NKAIN1: variants seen among roughly 807,000 people sequenced by gnomAD.
The protein encoded by NKAIN1 is sodium/potassium-transporting ATPase subunit beta-1-interacting protein 1.
A neutral mutation model predicts 31.6 loss-of-function variants in NKAIN1; 13 were observed. The observed-to-expected ratio is 0.41, with a 90% confidence interval of 0.27 to 0.65. The LOEUF is 0.65. NKAIN1 is among the 30% of genes least tolerant of loss of function. The pLI, the probability that NKAIN1 is intolerant of heterozygous loss-of-function variation, is 0.30. For missense variants in NKAIN1, 193 were observed against 262.2 expected, an observed-to-expected ratio of 0.74 and a Z score of 1.82; for synonymous variants, 104 against 109.0, an observed-to-expected ratio of 0.95 and a Z score of 0.28.
At chr1:31,186,656 C>T (rs1008110909) in intron 2 of NKAIN1, among the ~76,000 whole-genome samples, 3 of 152,062 alleles carry the variant, frequency 2.0e-5, no homozygotes, top group African/African-American at 7.2e-5. Flanking sequence ...AAGCATAGAA[C>T]GGGAGTCCAG....
chr1:31,210,587 C>T (rs533629914), intron 1 of NKAIN1, among the ~76,000 whole-genome samples: 76 of 152,362 alleles, frequency 5.0e-4, no homozygotes, highest in African/African-American at 1.7e-3. Context: ...CCACACCCGG[C>T]TTGCCATTAC....
At chr1:31,185,194 G>C in intron 3 of NKAIN1, 53 bp downstream of exon 3, 1 of 1,441,550 alleles carries the variant, frequency 6.9e-7, no homozygotes, top group African/African-American at 1.4e-5. Context: ...CTTAGGGCAG[G>C]GGATGGGAAT....
At chr1:31,198,443 G>A (rs2148354092) in intron 1 of NKAIN1, among the ~76,000 whole-genome samples, 1 of 152,204 alleles carries the variant, frequency 6.6e-6, no homozygotes, top group South Asian at 2.1e-4. Flanking sequence ...GATGTGTCCA[G>A]CCGCTTGAGC....
intron 1 of NKAIN1, among the ~76,000 whole-genome samples, chr1:31,223,546 G>T (rs373934496): frequency 1.3e-5 from 2 of 152,000 alleles, no homozygotes. Flanking sequence ...CTGGGTTCAC[G>T]CCATTCTCCT....
rs368465701 is a variant in NKAIN1 at position 31,236,756 on chromosome 1, C to G, written c.54+2738G>C. 2.0e-5 allele frequency among the ~76,000 whole-genome samples: 3 copies of G among 152,298 alleles called. No individual in the cohort carries two copies. The East Asian group carries it at 5.8e-4, about 29-fold the overall frequency. ...AACTCAAGCCTCTAGTGCTGGTGAGCTCCTCTAAGTGGAAGAGTGGGGTTA... is the reference window on the plus strand; with the variant it reads ...AACTCAAGCCTCTAGTGCTGGTGAGGTCCTCTAAGTGGAAGAGTGGGGTTA... On this transcript the variant is annotated intron_variant, in intron 1 of 6. Transcript: ENST00000373736.
At chr1:31,207,398 C>G (rs1170505773) in intron 1 of NKAIN1, among the ~76,000 whole-genome samples, 1 of 152,190 alleles carries the variant, frequency 6.6e-6, no homozygotes, top group East Asian at 1.9e-4. Context: ...CAGAACACTG[C>G]CTGGTTCATA....
chr1:31,196,733 TAAATAA>T (rs1645330778), intron 1 of NKAIN1, among the ~76,000 whole-genome samples: 1 of 145,746 alleles, frequency 6.9e-6, no homozygotes, highest in African/African-American at 2.5e-5. Context: ...AATAAATAAA[TAAATAA>T]ATAAATAATA....
rs570392808 is a variant in NKAIN1 at position 31,219,503 on chromosome 1, G to A, written c.54+19991C>T. On this transcript the variant is annotated intron_variant, in intron 1 of 6. Transcript: ENST00000373736. Reference sequence around the variant, plus strand: ...ATCTGGGGTGGAGTCTAGGGTGGGAGCGTAGGCATAGGTTTCCAGTGAGCA... The same window carrying A: ...ATCTGGGGTGGAGTCTAGGGTGGGAACGTAGGCATAGGTTTCCAGTGAGCA... Among the ~76,000 whole-genome samples, 67 of 152,334 alleles carry A rather than the reference G, an allele frequency of 4.4e-4. 1 individual carries two copies. Among genetic ancestry groups the A allele is most frequent in the African/African-American group, 1.5e-3 (64 of 41,572 alleles).
chr1:31,188,302 C>T (rs1305800213), intron 1 of NKAIN1, 115 bp from the exon 2 acceptor site: 21 of 1,171,774 alleles, frequency 1.8e-5, no homozygotes, highest in Non-Finnish European at 2.3e-5. Flanking sequence ...AGGCATAAGC[C>T]TCAGAACAAT....
intron 1 of NKAIN1, among the ~76,000 whole-genome samples, chr1:31,213,813 AG>A (rs1348552800): frequency 1.3e-5 from 2 of 152,022 alleles, no homozygotes; most frequent in Non-Finnish European, 2.9e-5. Flanking sequence ...TGGGCAATAC[AG>A]GGAGATCCTG....
chr1:31,231,131 G>A (rs933317114), intron 1 of NKAIN1, among the ~76,000 whole-genome samples: 2 of 151,574 alleles, frequency 1.3e-5, no homozygotes, highest in Non-Finnish European at 2.9e-5. Context: ...TGATCCACCC[G>A]CCTCGGCCTC....
chr1:31,231,522 T>G (rs1232686975), intron 1 of NKAIN1, among the ~76,000 whole-genome samples: 2 of 150,676 alleles, frequency 1.3e-5, no homozygotes, highest in African/African-American at 4.9e-5. Flanking sequence ...TTTGTTGTTG[T>G]TTGTTGTTGT....
intron 1 of NKAIN1, among the ~76,000 whole-genome samples, chr1:31,198,897 G>C (rs1401348838): frequency 5.3e-5 from 8 of 152,212 alleles, no homozygotes; most frequent in Non-Finnish European, 1.0e-4. Flanking sequence ...GACAAGGGCT[G>C]AATAATGCAG....
intron 1 of NKAIN1, among the ~76,000 whole-genome samples, chr1:31,208,809 C>T (rs1199784954): frequency 6.6e-6 from 1 of 152,210 alleles, no homozygotes; most frequent in Non-Finnish European, 1.5e-5. Context: ...TGTTCCGTGC[C>T]ACACTCTGGT....
At chr1:31,227,333 C>A (rs1645615749) in intron 1 of NKAIN1, among the ~76,000 whole-genome samples, 2 of 152,116 alleles carry the variant, frequency 1.3e-5, no homozygotes, top group South Asian at 4.1e-4. Context: ...GTGAGGATGA[C>A]CTCAGGTGGC....
rs939440425 is a variant in NKAIN1, at chr1:31,181,196, G to T, written c.*507C>A. 1 of 156,624 alleles carries T rather than the reference G, an allele frequency of 6.4e-6. No individual in the cohort carries two copies. The allele number at this position is 156,624 out of a possible 1,614,324, so 9.7% of individuals were successfully genotyped here. ...CTTGAGGTGCGGAAACCGAGGCTCA[G>T]AGAGGGCAAGGGCTTTGCTAGACGT... On this transcript the variant is annotated 3_prime_UTR_variant, in exon 7 of 7. Transcript: ENST00000373736.
At chr1:31,227,786 C>T (rs1645618933) in intron 1 of NKAIN1, among the ~76,000 whole-genome samples, 2 of 152,122 alleles carry the variant, frequency 1.3e-5, no homozygotes, top group Non-Finnish European at 2.9e-5. Flanking sequence ...CTTTCATGGC[C>T]CCGGGCCATC....
At chr1:31,185,208 C>T (rs1242307079) in intron 3 of NKAIN1, 39 bp downstream of exon 3, 1 of 1,549,828 alleles carries the variant, frequency 6.5e-7, no homozygotes, top group East Asian at 2.3e-5. Flanking sequence ...TGGGAATGGT[C>T]AGGCTCTGCC....
intron 1 of NKAIN1, among the ~76,000 whole-genome samples, chr1:31,195,420 CCTTT>C (rs1005903704): frequency 6.8e-4 from 103 of 152,138 alleles, no homozygotes; most frequent in African/African-American, 2.3e-3. Context: ...CCGCGCCTGG[CCTTT>C]CTTTCTTTCT....
Sources: allele counts gnomAD v4.1 joint callset (sites outside exome capture counted in the v4.1 genomes callset), GRCh38; gene constraint gnomAD v4.1.1; transcripts MANE v1.5; gene names NCBI Gene and HGNC (gene_info 2026-07-23, HGNC 2026-07-21).